The following CAMK1D variants were observed in gnomAD, a reference collection of about 807,000 sequenced individuals.
CAMK1D encodes the protein calcium/calmodulin-dependent protein kinase type 1D.
A neutral mutation model predicts 47.7 loss-of-function variants in CAMK1D; 9 were observed. That is an observed-to-expected ratio of 0.19 (90% CI 0.11 to 0.33). The LOEUF (loss-of-function observed/expected upper bound fraction) is 0.33. CAMK1D is among the 10% of genes least tolerant of loss of function. CAMK1D has a pLI of 1.00. For missense variants in CAMK1D, 291 were observed against 488.7 expected, an observed-to-expected ratio of 0.60 and a Z score of 3.81; for synonymous variants, 184 against 184.9, an observed-to-expected ratio of 0.99 and a Z score of 0.04.
At chr10:12,559,176 G>T (rs1336016760) in intron 2 of CAMK1D, among the ~76,000 whole-genome samples, 1 of 151,964 alleles carries the variant, frequency 6.6e-6, no homozygotes, top group Non-Finnish European at 1.5e-5. Flanking sequence ...AGGTGTGGTG[G>T]TTGCCAGTAG....
intron 1 of CAMK1D, among the ~76,000 whole-genome samples, chr10:12,476,374 G>A (rs1389563404): frequency 6.6e-6 from 1 of 152,126 alleles, no homozygotes; most frequent in Non-Finnish European, 1.5e-5. Flanking sequence ...TCTGGAAAAG[G>A]GGGAGGGTGG....
Position 12,779,194 on chromosome 10 carries a change from T to C in CAMK1D, c.565+9395T>C, listed in dbSNP as rs550491431. ...GCTCTCAATATGGTATTGACCAAGA[T>C]TGGGAATCCATTTAATTAAGTCAAG... is the stretch of plus-strand genomic sequence containing the variant. On this transcript the variant is annotated intron_variant, in intron 5 of 10. Coordinates refer to ENST00000619168, the MANE Select transcript of CAMK1D (RefSeq NM_153498.4). Among the ~76,000 whole-genome samples the C allele has an allele frequency of 2.6e-5, 4 of 152,318 alleles. No homozygotes were observed. In the East Asian group the frequency reaches 5.8e-4, roughly 22 times the overall value.
intron 1 of CAMK1D, among the ~76,000 whole-genome samples, chr10:12,353,779 C>CG (rs993632300): frequency 6.6e-6 from 1 of 152,096 alleles, no homozygotes; most frequent in African/African-American, 2.4e-5. Context: ...GTCTATTAAT[C>CG]AACATGTTTT....
chr10:12,636,078 C>G (rs1056109013), intron 2 of CAMK1D, among the ~76,000 whole-genome samples: 2 of 152,202 alleles, frequency 1.3e-5, no homozygotes, highest in Non-Finnish European at 2.9e-5. Flanking sequence ...CCATCTTAGG[C>G]ATTTTTAAGT....
intron 8 of CAMK1D, among the ~76,000 whole-genome samples, chr10:12,817,175 C>T (rs1035240690): frequency 6.6e-6 from 1 of 152,200 alleles, no homozygotes; most frequent in African/African-American, 2.4e-5. Flanking sequence ...TCCCACAACA[C>T]GTGGGAATTC....
At chr10:12,780,914 C>T (rs1242175657) in intron 5 of CAMK1D, among the ~76,000 whole-genome samples, 1 of 152,182 alleles carries the variant, frequency 6.6e-6, no homozygotes, top group Non-Finnish European at 1.5e-5. Flanking sequence ...GCCAGACCCC[C>T]GGTGTTGGAG....
At chr10:12,427,173 G>A (rs1050904936) in intron 1 of CAMK1D, among the ~76,000 whole-genome samples, 8 of 152,194 alleles carry the variant, frequency 5.3e-5, no homozygotes, top group Non-Finnish European at 1.0e-4. Context: ...TTCAGATGGA[G>A]CCCCGGCAGG....
At chr10:12,647,213 C>T (rs1277885693) in intron 2 of CAMK1D, among the ~76,000 whole-genome samples, 2 of 142,024 alleles carry the variant, frequency 1.4e-5, no homozygotes, top group African/African-American at 2.6e-5. Context: ...TGCAGTGACG[C>T]GATCTTGGCT....
At chr10:12,531,950 C>T (rs1835818547) in intron 1 of CAMK1D, among the ~76,000 whole-genome samples, 1 of 152,210 alleles carries the variant, frequency 6.6e-6, no homozygotes, top group Admixed American at 6.5e-5. Context: ...ATCTAGGAAT[C>T]AGAGAATTCT....
chr10:12,417,661 G>T (rs1415297979), intron 1 of CAMK1D, among the ~76,000 whole-genome samples: 1 of 152,186 alleles, frequency 6.6e-6, no homozygotes, highest in Non-Finnish European at 1.5e-5. Context: ...AATGAGGGCT[G>T]GGGGAGGCCC....
At position 12,830,209 on chromosome 10, in the gene CAMK1D, CA is replaced by C. The variant is rs1564596678; in HGVS notation, c.*1323del. ...TTTCTCTGTGGTTTTTAAAAAAATG[CA>C]TTTCTAATCTTACACTTCACGTGGC... is the stretch of plus-strand genomic sequence containing the variant. On this transcript the variant is annotated 3_prime_UTR_variant, in exon 11 of 11. Coordinates refer to ENST00000619168, the MANE Select transcript of CAMK1D (RefSeq NM_153498.4). 6.6e-6 allele frequency: 1 copy of C among 152,212 alleles called. No individual in the cohort carries two copies. Among genetic ancestry groups the C allele is most frequent in the East Asian group, 1.9e-4 (1 of 5,198 alleles). The allele number at this position is 152,212 out of a possible 1,614,324, so 9.4% of individuals were successfully genotyped here.
rs138364888 is a variant in CAMK1D, at chr10:12,654,470, A to G, written c.225-12266A>G. On this transcript the variant is annotated intron_variant, in intron 2 of 10. Transcript: ENST00000619168. ...CCACAGAAATATATATTACCCTTTG[A>G]CAAAAAGTTACCAAAAGATTCAAAG... Among the ~76,000 whole-genome samples, 385 of 152,334 alleles carry G rather than the reference A, an allele frequency of 2.5e-3. 2 individuals are homozygous for G. The highest frequency in any genetic ancestry group is 7.8e-3 in the African/African-American group (323 of 41,566).
chr10:12,666,068 C>G (rs1434940384), intron 2 of CAMK1D, among the ~76,000 whole-genome samples: 1 of 152,152 alleles, frequency 6.6e-6, no homozygotes, highest in Non-Finnish European at 1.5e-5. Flanking sequence ...AATTTGCATT[C>G]CTGCTAAGCT....
chr10:12,507,435 C>T (rs1197464402), intron 1 of CAMK1D, among the ~76,000 whole-genome samples: 2 of 152,082 alleles, frequency 1.3e-5, no homozygotes, highest in South Asian at 2.1e-4. Context: ...TGGGGGAGTA[C>T]GTTGTGTCTA....
Position 12,666,824 on chromosome 10 carries a change from T to C in CAMK1D, c.299+14T>C. ...GGTCATGCAGCTGTAAGTACCTTGT[T>C]TGATTGATGAGTTTTGAACCAACTT... On this transcript the variant is annotated intron_variant, in intron 3 of 10. Transcript: ENST00000619168. 2 of 1,606,230 alleles carry C rather than the reference T, an allele frequency of 1.2e-6. No homozygotes were observed. Among genetic ancestry groups the C allele is most frequent in the Non-Finnish European group, 1.7e-6 (2 of 1,173,252 alleles).
At chr10:12,541,842 T>TCTTCTTC (rs1836193676) in intron 1 of CAMK1D, among the ~76,000 whole-genome samples, 1 of 116,608 alleles carries the variant, frequency 8.6e-6, no homozygotes, top group Non-Finnish European at 1.7e-5. Flanking sequence ...CTGTGTTTTA[T>TCTTCTTC]CTTCCTTCCT....
chr10:12,707,625 T>C (rs1833775055), intron 3 of CAMK1D, among the ~76,000 whole-genome samples: 1 of 152,216 alleles, frequency 6.6e-6, no homozygotes, highest in South Asian at 2.1e-4. Flanking sequence ...GAAGGCTTGC[T>C]CAGCTCTGGG....
At chr10:12,781,619 C>T (rs148950314) in intron 5 of CAMK1D, among the ~76,000 whole-genome samples, 1 of 151,210 alleles carries the variant, frequency 6.6e-6, no homozygotes, top group African/African-American at 2.4e-5. Flanking sequence ...GGCTACTGGA[C>T]AGATCAGGGT....
chr10:12,397,159 T>G (rs1430408017), intron 1 of CAMK1D, among the ~76,000 whole-genome samples: 1 of 152,234 alleles, frequency 6.6e-6, no homozygotes, highest in Non-Finnish European at 1.5e-5. Flanking sequence ...TGAGCTTTGG[T>G]GCCCAGTTAA....
Sources: gnomAD v4.1 joint callset for allele counts (sites outside exome capture counted in the v4.1 genomes callset) on GRCh38, gnomAD v4.1.1 for gene constraint, MANE v1.5 for transcripts, NCBI Gene and HGNC (gene_info 2026-07-23, HGNC 2026-07-21) for gene names.